Variants in PRKACB observed in about 807,000 individuals in gnomAD.
The protein encoded by PRKACB is protein kinase cAMP-activated catalytic subunit beta, also known as cAMP-dependent protein kinase catalytic subunit beta.
Under a neutral mutation model 51.4 loss-of-function variants are expected in PRKACB, and 16 were observed. The observed-to-expected ratio is 0.31, with a 90% CI of 0.21 to 0.47. PRKACB has a LOEUF of 0.47. PRKACB is among the 20% of genes least tolerant of loss of function. The pLI is 1.00. For missense variants in PRKACB, 309 were observed against 464.5 expected (o/e 0.67, Z 3.08); for synonymous variants, 147 against 154.4 (o/e 0.95, Z 0.35).
At position 84,130,373 on chromosome 1, in the gene PRKACB, A is replaced by G. The variant is rs144066037; in HGVS notation, c.47-48804A>G. Among the ~76,000 whole-genome samples, 1,130 of 152,266 alleles carry G rather than the reference A, an allele frequency of 7.4e-3. 7 individuals carry two copies. Among genetic ancestry groups the G allele is most frequent in the South Asian group, 0.013 (62 of 4,824 alleles). ...TCCTGTGTCAGTGGCAGTAGCAACA[A>G]TGACCAAACAAGTACCTCAAATTAT... On this transcript the variant is annotated intron_variant, in intron 1 of 8. Transcript: ENST00000370688.
intron 1 of PRKACB, among the ~76,000 whole-genome samples, chr1:84,096,201 T>C (rs941058470): frequency 3.3e-5 from 5 of 152,040 alleles, no homozygotes; most frequent in African/African-American, 1.2e-4. Context: ...TGGTTTTGAC[T>C]GAAGGCCTGG....
intron 1 of PRKACB, among the ~76,000 whole-genome samples, chr1:84,149,219 T>C (rs1654526580): frequency 6.6e-6 from 1 of 152,092 alleles, no homozygotes; most frequent in African/African-American, 2.4e-5. Flanking sequence ...AATTTTTGTA[T>C]ATATACTCTA....
intron 1 of PRKACB, among the ~76,000 whole-genome samples, chr1:84,111,597 G>T (rs751675172): frequency 1.3e-5 from 2 of 151,858 alleles, no homozygotes; most frequent in African/African-American, 4.8e-5. Flanking sequence ...CCAACATTTT[G>T]ATCAGATTCT....
intron 5 of PRKACB, among the ~76,000 whole-genome samples, chr1:84,186,247 C>G (rs1365867214): frequency 2.6e-5 from 4 of 151,558 alleles, no homozygotes; most frequent in Non-Finnish European, 4.4e-5. Flanking sequence ...GAGACTGAGT[C>G]TCCCTCTGTT....
At chr1:84,199,506 T>C (rs1337672449) in intron 7 of PRKACB, among the ~76,000 whole-genome samples, 1 of 152,200 alleles carries the variant, frequency 6.6e-6, no homozygotes, top group Non-Finnish European at 1.5e-5. Context: ...AGCTGCATAG[T>C]ATTCCGTAGT....
intron 2 of PRKACB, among the ~76,000 whole-genome samples, chr1:84,180,963 A>G (rs1663231918): frequency 6.6e-6 from 1 of 152,038 alleles, no homozygotes; most frequent in African/African-American, 2.4e-5. Context: ...TGTTGATAAA[A>G]CCTAAGATTA....
intron 1 of PRKACB, among the ~76,000 whole-genome samples, chr1:84,103,806 A>G (rs1649528077): frequency 6.6e-6 from 1 of 152,248 alleles, no homozygotes; most frequent in African/African-American, 2.4e-5. Flanking sequence ...TCACAGAGCC[A>G]GTAAGAACTA....
intron 1 of PRKACB, among the ~76,000 whole-genome samples, chr1:84,175,368 ACT>A (rs1461476738): frequency 1.3e-5 from 2 of 151,722 alleles, no homozygotes; most frequent in Admixed American, 6.6e-5. Flanking sequence ...AGATTTATAA[ACT>A]CTTAATACAA....
chr1:84,160,119 A>G (rs1656000979), intron 1 of PRKACB, among the ~76,000 whole-genome samples: 1 of 152,124 alleles, frequency 6.6e-6, no homozygotes, highest in Admixed American at 6.6e-5. Context: ...GAATTCTGAA[A>G]GAGTTTGTGT....
intron 1 of PRKACB, among the ~76,000 whole-genome samples, chr1:84,095,961 C>T (rs1177442864): frequency 6.6e-6 from 1 of 151,802 alleles, no homozygotes; most frequent in Non-Finnish European, 1.5e-5. Context: ...TATGTTTGTT[C>T]TCTTATTTTT....
chr1:84,154,232 A>G (rs1655178709), intron 1 of PRKACB, among the ~76,000 whole-genome samples: 1 of 151,990 alleles, frequency 6.6e-6, no homozygotes, highest in African/African-American at 2.4e-5. Flanking sequence ...TTTTCTTGCT[A>G]TTGAGTTGTT....
At chr1:84,128,965 G>T (rs969510025) in intron 1 of PRKACB, among the ~76,000 whole-genome samples, 1 of 151,994 alleles carries the variant, frequency 6.6e-6, no homozygotes, top group Admixed American at 6.6e-5. Flanking sequence ...TTTAATTTAC[G>T]TAACCATGTG....
chr1:84,157,811 A>T (rs375272241), intron 1 of PRKACB, among the ~76,000 whole-genome samples: 24 of 152,318 alleles, frequency 1.6e-4, no homozygotes, highest in African/African-American at 5.3e-4. Context: ...GTTGATGCAC[A>T]TGAGAATTGG....
chr1:84,200,137 A>G (rs934756382), intron 7 of PRKACB, among the ~76,000 whole-genome samples: 14 of 145,744 alleles, frequency 9.6e-5, no homozygotes, highest in African/African-American at 3.2e-4. Flanking sequence ...GTGAGCCACT[A>G]TGCCCTTCCA....
At chr1:84,163,119 G>A (rs1409463813) in intron 1 of PRKACB, among the ~76,000 whole-genome samples, 1 of 152,062 alleles carries the variant, frequency 6.6e-6, no homozygotes, top group Non-Finnish European at 1.5e-5. Context: ...TTGATCAGAG[G>A]TTGTACTCAA....
At chr1:84,212,046 T>C (rs930019568) in intron 8 of PRKACB, among the ~76,000 whole-genome samples, 3 of 152,182 alleles carry the variant, frequency 2.0e-5, no homozygotes, top group African/African-American at 7.2e-5. Flanking sequence ...GTTGATAGAA[T>C]ATTAGTTTTC....
At chr1:84,194,539 T>C (rs935582530) in intron 5 of PRKACB, among the ~76,000 whole-genome samples, 7 of 152,230 alleles carry the variant, frequency 4.6e-5, no homozygotes, top group Non-Finnish European at 2.9e-5. Flanking sequence ...CATTAGCCCT[T>C]ACCATTGTCT....
chr1:84,114,602 A>G (rs745638933), intron 1 of PRKACB, among the ~76,000 whole-genome samples: 20 of 152,168 alleles, frequency 1.3e-4, no homozygotes, highest in Non-Finnish European at 2.2e-4. Flanking sequence ...CTATTCTGCT[A>G]TCAAACATTG....
intron 1 of PRKACB, among the ~76,000 whole-genome samples, chr1:84,150,104 A>G (rs1654649262): frequency 1.3e-5 from 2 of 151,866 alleles, no homozygotes; most frequent in African/African-American, 2.4e-5. Context: ...GTCTCTACTA[A>G]AAATGCAAAA....
Sources: allele counts gnomAD v4.1 joint callset (sites outside exome capture counted in the v4.1 genomes callset), GRCh38; gene constraint gnomAD v4.1.1; transcripts MANE v1.5; gene names NCBI Gene and HGNC (gene_info 2026-07-23, HGNC 2026-07-21).